GAN: variants seen among roughly 807,000 people sequenced by gnomAD.
The protein encoded by GAN is gigaxonin.
A neutral mutation model predicts 71.3 loss-of-function variants in GAN; 48 were observed. That is an observed-to-expected ratio of 0.67 (90% CI 0.53 to 0.86). The LOEUF (loss-of-function observed/expected upper bound fraction) is 0.86. Ranked by LOEUF, GAN falls within the 40% of genes least tolerant of loss-of-function variation. The pLI, the probability that GAN is intolerant of heterozygous loss-of-function variation, is 0.00. For missense variants in GAN, 928 were observed against 770.1 expected (o/e 1.21, Z -2.43); for synonymous variants, 386 against 276.8 (o/e 1.39, Z -3.92).
intron 1 of GAN, among the ~76,000 whole-genome samples, chr16:81,327,285 A>G (rs1175939956): frequency 6.6e-6 from 1 of 152,242 alleles, no homozygotes; most frequent in African/African-American, 2.4e-5. Flanking sequence ...GGAGAAGTTT[A>G]TAGCAGTGGA....
At chr16:81,365,699 C>T (rs1385845549) in intron 9 of GAN, among the ~76,000 whole-genome samples, 6 of 151,100 alleles carry the variant, frequency 4.0e-5, no homozygotes, top group Admixed American at 1.3e-4. Flanking sequence ...GAGATCTTGA[C>T]GCTTAGTTGC....
intron 9 of GAN, among the ~76,000 whole-genome samples, chr16:81,370,034 G>T (rs1910988356): frequency 6.6e-6 from 1 of 152,188 alleles, no homozygotes; most frequent in Non-Finnish European, 1.5e-5. Context: ...CATAGCTAAT[G>T]TATTTTCTTC....
intron 1 of GAN, among the ~76,000 whole-genome samples, chr16:81,350,493 GTTTATTTA>G (rs1228866842): frequency 6.7e-6 from 1 of 149,318 alleles, no homozygotes; most frequent in African/African-American, 2.5e-5. Context: ...GGAAATTTTT[GTTTATTTA>G]TTTATTTACT....
chr16:81,329,574 T>C (rs1909504409), intron 1 of GAN, among the ~76,000 whole-genome samples: 2 of 152,194 alleles, frequency 1.3e-5, no homozygotes, highest in South Asian at 4.1e-4. Flanking sequence ...AACTGTTCTT[T>C]AAAAAATTGC....
Position 81,381,875 on chromosome 16 carries a change from C to T in GAN, c.*4279C>T, listed in dbSNP as rs1163309286. 2 of 152,138 alleles carry T rather than the reference C, an allele frequency of 1.3e-5. No individual in the cohort carries two copies. The highest frequency in any genetic ancestry group is 4.8e-5 in the African/African-American group (2 of 41,414). The allele number at this position is 152,138 out of a possible 1,614,324, so 9.4% of individuals were successfully genotyped here. ...ATATGGGCTGGCCTCCTATACGGAG[C>T]TGAAACTAGCATGGGCCGGCCTCCT... On this transcript the variant is annotated 3_prime_UTR_variant, in exon 11 of 11. Coordinates refer to ENST00000648994, the MANE Select transcript of GAN (RefSeq NM_022041.4).
chr16:81,353,570 A>G (rs1162683262), intron 2 of GAN, among the ~76,000 whole-genome samples: 1 of 152,216 alleles, frequency 6.6e-6, no homozygotes, highest in African/African-American at 2.4e-5. Flanking sequence ...CAAAAAGTGT[A>G]AAATGTAAAA....
intron 9 of GAN, among the ~76,000 whole-genome samples, chr16:81,369,241 A>T (rs959320194): frequency 6.6e-6 from 1 of 152,210 alleles, no homozygotes; most frequent in Non-Finnish European, 1.5e-5. Flanking sequence ...TGACACATGG[A>T]TTGGGAGCCA....
intron 9 of GAN, among the ~76,000 whole-genome samples, chr16:81,372,867 G>A (rs747543829): frequency 2.6e-5 from 4 of 152,214 alleles, no homozygotes; most frequent in Non-Finnish European, 5.9e-5. Context: ...TTCACTTTCA[G>A]CACAAGCTTT....
chr16:81,324,482 A>G (rs749416562), intron 1 of GAN, among the ~76,000 whole-genome samples: 1 of 152,130 alleles, frequency 6.6e-6, no homozygotes, highest in African/African-American at 2.4e-5. Context: ...CAGGGGTGGC[A>G]CCAGGACTAG....
chr16:81,338,289 G>C (rs750060002), intron 1 of GAN, among the ~76,000 whole-genome samples: 4 of 152,092 alleles, frequency 2.6e-5, no homozygotes, highest in Non-Finnish European at 5.9e-5. Flanking sequence ...TAATTAAAAA[G>C]AATATTAAGA....
At chr16:81,357,773 A>G (rs1238329288) in intron 4 of GAN, 37 bp from the exon 5 acceptor site, 5 of 1,593,564 alleles carry the variant, frequency 3.1e-6, no homozygotes, top group Non-Finnish European at 4.3e-6. Flanking sequence ...AACTGTATGA[A>G]GCACATTAAC....
rs776351193 is a variant in GAN, at chr16:81,351,676, G to C, written c.261G>C (p.Leu87=). The C allele has an allele frequency of 6.7e-7, 1 of 1,496,780 alleles. No individual in the cohort carries two copies. Among genetic ancestry groups the C allele is most frequent in the Non-Finnish European group, 9.3e-7 (1 of 1,072,922 alleles). The allele number at this position is 1,496,780 out of a possible 1,614,324, so 92.7% of individuals were successfully genotyped here. A position where few individuals can be genotyped will look rare whatever the true frequency, so the allele number is the denominator to read the frequency against. Residue 87 remains leucine, a synonymous_variant, in exon 2 of 11, where the codon CTG becomes CTC. Transcript: ENST00000648994. ...CGGTAATGGTTATGAGAGAGATCCTGGATTACATCTTCAGTGGGCAGGTAT... is the reference window on the plus strand; with the variant it reads ...CGGTAATGGTTATGAGAGAGATCCTCGATTACATCTTCAGTGGGCAGGTAT... ...GISVMVMREI[L]DYIFSGQIRL...
chr16:81,328,734 G>A (rs1036769529), intron 1 of GAN, among the ~76,000 whole-genome samples: 1 of 147,964 alleles, frequency 6.8e-6, no homozygotes, highest in Non-Finnish European at 1.5e-5. Flanking sequence ...CTCAAAAATC[G>A]TTACTTCACT....
At position 81,360,910 on chromosome 16, in the gene GAN, A is replaced by G. The variant is rs1252641717; in HGVS notation, c.974-1589A>G. Among the ~76,000 whole-genome samples, 3 of 152,296 alleles carry G rather than the reference A, an allele frequency of 2.0e-5. No individual in the cohort carries two copies. In the East Asian group the frequency reaches 5.8e-4, roughly 29 times the overall value. On this transcript the variant is annotated intron_variant, in intron 5 of 10. Coordinates refer to ENST00000648994, the MANE Select transcript of GAN (RefSeq NM_022041.4). Reference sequence around the variant, plus strand: ...TGGTATGTCTGATATCTGTGGCTGCATGCTGCTCATTTATTAAACATTATT... The same window carrying G: ...TGGTATGTCTGATATCTGTGGCTGCGTGCTGCTCATTTATTAAACATTATT...
chr16:81,340,621 C>A (rs1035989486), intron 1 of GAN, among the ~76,000 whole-genome samples: 5 of 152,032 alleles, frequency 3.3e-5, no homozygotes, highest in African/African-American at 1.2e-4. Flanking sequence ...ACACCAAAAC[C>A]CCACCCATAG....
chr16:81,373,651 C>G (rs58310785), intron 9 of GAN, among the ~76,000 whole-genome samples: 1 of 152,154 alleles, frequency 6.6e-6, no homozygotes, highest in Non-Finnish European at 1.5e-5. Context: ...AGCTTTTACT[C>G]TAATGTCTTT....
At chr16:81,340,750 A>G (rs1909915198) in intron 1 of GAN, among the ~76,000 whole-genome samples, 1 of 149,818 alleles carries the variant, frequency 6.7e-6, no homozygotes, top group Non-Finnish European at 1.5e-5. Flanking sequence ...AAGGAATACA[A>G]CTCCTTGCCA....
chr16:81,323,722 G>A (rs1306501652), intron 1 of GAN, among the ~76,000 whole-genome samples: 3 of 152,190 alleles, frequency 2.0e-5, no homozygotes, highest in Admixed American at 6.5e-5. Flanking sequence ...CAGCATCTAT[G>A]TACTGGCAAG....
intron 1 of GAN, among the ~76,000 whole-genome samples, chr16:81,336,023 G>T (rs1037817045): frequency 3.3e-5 from 5 of 152,136 alleles, no homozygotes; most frequent in African/African-American, 9.7e-5. Flanking sequence ...TCCCAGGCAG[G>T]TCACCAAGAC....
Sources: allele counts gnomAD v4.1 joint callset (sites outside exome capture counted in the v4.1 genomes callset), GRCh38; gene constraint gnomAD v4.1.1; transcripts MANE v1.5; gene names NCBI Gene and HGNC (gene_info 2026-07-23, HGNC 2026-07-21).